The following STX11 variants were observed in gnomAD, a reference collection of about 807,000 sequenced individuals.
STX11 encodes the protein syntaxin-11.
A neutral mutation model predicts 19.9 loss-of-function variants in STX11; 21 were observed. That is an observed-to-expected ratio of 1.06 (90% CI 0.75 to 1.52). The LOEUF is 1.52. STX11 is among the 40% of genes most tolerant of loss of function. The pLI is 0.00. For synonymous variants in STX11, 193 were observed against 174.4 expected, an observed-to-expected ratio of 1.11 and a Z score of -0.84; for missense variants, 438 against 405.9, an observed-to-expected ratio of 1.08 and a Z score of -0.68.
In STX11 at chr6:144,156,000, TTC is replaced by T. The variant is rs1373942975; in HGVS notation, c.-6+5299_-6+5300del. The stretch of plus-strand genomic sequence containing the variant: ...TTTCTTTCTTTCTTTCTTTCTTTCT[TTC>T]TTTCTTTCTTTCTCTCTTTCTCTCC... On this transcript the variant is annotated intron_variant, in intron 1 of 1. Transcript: ENST00000367568. This position sits in a 1 kb window ranked among gnomAD's most constrained non-coding sequence, Gnocchi z 4.5. Among the ~76,000 whole-genome samples, 24 of 112,498 alleles carry T rather than the reference TTC, an allele frequency of 2.1e-4. 2 individuals carry two copies. Among genetic ancestry groups the T allele is most frequent in the African/African-American group, 8.9e-4 (20 of 22,434 alleles). 73.8% of individuals were successfully genotyped at this position (112,498 alleles called of 152,430 possible). A position where few individuals can be genotyped will look rare whatever the true frequency, so the allele number is the denominator to read the frequency against.
chr6:144,173,767 T>G (rs190964853), intron 1 of STX11, among the ~76,000 whole-genome samples: 1 of 152,346 alleles, frequency 6.6e-6, no homozygotes, highest in Admixed American at 6.5e-5. Context: ...TTCCCCTGAC[T>G]GCTCTCGCAG....
Position 144,183,925 on chromosome 6 carries a change from C to G in STX11, c.-5-2698C>G, listed in dbSNP as rs748110474. ...AGGCCCCACTGTGCATTATTCCCCT[C>G]CCTGTGTCCAGGTGTTCTCATTGTT... is the stretch of plus-strand genomic sequence containing the variant. On this transcript the variant is annotated intron_variant, in intron 1 of 1. Transcript: ENST00000367568. The surrounding 1 kb of genome is among the most constrained non-coding windows in gnomAD (Gnocchi z 4.6). Among the ~76,000 whole-genome samples, 1 of 152,120 alleles carries G rather than the reference C, an allele frequency of 6.6e-6. No homozygotes were observed. The highest frequency in any genetic ancestry group is 2.4e-5 in the African/African-American group (1 of 41,410).
chr6:144,168,630 A>G (rs1446257277), intron 1 of STX11, among the ~76,000 whole-genome samples: 1 of 152,212 alleles, frequency 6.6e-6, no homozygotes, highest in African/African-American at 2.4e-5. Flanking sequence ...CTTCAAAGTC[A>G]CCACGTTGTT....
chr6:144,167,947 A>G lies in STX11; in HGVS notation c.-6+17244A>G, dbSNP rs1225454323. On this transcript the variant is annotated intron_variant, in intron 1 of 1. Transcript: ENST00000367568. The surrounding 1 kb of genome is among the most constrained non-coding windows in gnomAD (Gnocchi z 5.0). ...CAGTCATGTTCTTAGACTTATTCACACATAAGTACTTATGGTAAAAAAAAT... is the reference window on the plus strand; with the variant it reads ...CAGTCATGTTCTTAGACTTATTCACGCATAAGTACTTATGGTAAAAAAAAT... Among the ~76,000 whole-genome samples, 2 of 152,162 alleles carry G rather than the reference A, an allele frequency of 1.3e-5. No individual in the cohort carries two copies. Among genetic ancestry groups the G allele is most frequent in the Non-Finnish European group, 2.9e-5 (2 of 68,024 alleles).
In STX11 at chr6:144,151,297, G is replaced by C; in HGVS notation, c.-6+594G>C. 1 of 985,410 alleles carries C rather than the reference G, an allele frequency of 1.0e-6. No homozygotes were observed. 61.0% of individuals were successfully genotyped at this position (985,410 alleles called of 1,614,324 possible). On this transcript the variant is annotated intron_variant, in intron 1 of 1. Coordinates refer to ENST00000367568, the MANE Select transcript of STX11 (RefSeq NM_003764.4). The surrounding 1 kb of genome is among the most constrained non-coding windows in gnomAD (Gnocchi z 4.6). ...CCACGCCGTCCTGAGAGGGAATTCT[G>C]CCTTTTTCTAGACTCCGCTGACACC... is the stretch of plus-strand genomic sequence containing the variant.
rs1408696924 is a variant in STX11 at position 144,151,810 on chromosome 6, A to C, written c.-6+1107A>C. ...TTTACTAAATTGGTGCTAAAACCACATGATGATTTTTGAAGCGGGTGGGTC... is the reference window on the plus strand; with the variant it reads ...TTTACTAAATTGGTGCTAAAACCACCTGATGATTTTTGAAGCGGGTGGGTC... On this transcript the variant is annotated intron_variant, in intron 1 of 1. Transcript: ENST00000367568. The surrounding 1 kb of genome is among the most constrained non-coding windows in gnomAD (Gnocchi z 4.6). 6.6e-6 allele frequency among the ~76,000 whole-genome samples: 1 copy of C among 152,252 alleles called. No individual in the cohort carries two copies.
rs1193595047 is a variant in STX11, at chr6:144,155,454, A to G, written c.-6+4751A>G. 9.9e-5 allele frequency among the ~76,000 whole-genome samples: 15 copies of G among 152,212 alleles called. 1 individual carries two copies. Among genetic ancestry groups the G allele is most frequent in the Non-Finnish European group, 7.3e-5 (5 of 68,030 alleles). ...TTTCTTCAGATTCATTGGGAAATCA[A>G]CATATTTATAGTTGCCCATGAAATG... On this transcript the variant is annotated intron_variant, in intron 1 of 1. Transcript: ENST00000367568. This position sits in a 1 kb window ranked among gnomAD's most constrained non-coding sequence, Gnocchi z 4.5.
In STX11 at chr6:144,190,954, T is replaced by TA. The variant is rs1373204465; in HGVS notation, c.*3464dup. On this transcript the variant is annotated 3_prime_UTR_variant, in exon 2 of 2. Transcript: ENST00000367568. ...GTTCTAGTGCCACCAAGAGATGCTG[T>TA]AGAGCTGGCTTTACCAATCTCATGA... Among the ~76,000 whole-genome samples the TA allele has an allele frequency of 6.6e-6, 1 of 152,162 alleles. No homozygotes were observed. Among genetic ancestry groups the TA allele is most frequent in the Non-Finnish European group, 1.5e-5 (1 of 68,032 alleles).
rs924508001 is a variant in STX11, at chr6:144,159,994, C to T, written c.-6+9291C>T. Among the ~76,000 whole-genome samples the T allele has an allele frequency of 7.9e-5, 12 of 151,968 alleles. No homozygotes were observed. The highest frequency in any genetic ancestry group is 1.3e-4 in the Non-Finnish European group (9 of 68,000). On this transcript the variant is annotated intron_variant, in intron 1 of 1. Transcript: ENST00000367568. The surrounding 1 kb of genome is among the most constrained non-coding windows in gnomAD (Gnocchi z 4.3). ...TGGGTCCTTTTTCTCCTTTTCTGGC[C>T]AGTTCTTGTTTTTTAAAAAAATATT... is the stretch of plus-strand genomic sequence containing the variant.
rs537674283 is a variant in STX11 at position 144,184,099 on chromosome 6, T to C, written c.-5-2524T>C. The stretch of plus-strand genomic sequence containing the variant: ...ATGGCTGTATAGTACAGTCTAACAT[T>C]GATGGGCATTTGGGTTGGTTCCGTG... On this transcript the variant is annotated intron_variant, in intron 1 of 1. Transcript: ENST00000367568. The surrounding 1 kb of genome is among the most constrained non-coding windows in gnomAD (Gnocchi z 6.5). Among the ~76,000 whole-genome samples the C allele has an allele frequency of 2.0e-5, 3 of 152,320 alleles. No homozygotes were observed. The highest frequency in any genetic ancestry group is 7.2e-5 in the African/African-American group (3 of 41,568).
chr6:144,180,986 C>CA lies in STX11; in HGVS notation c.-5-5636dup, dbSNP rs1449055886. On this transcript the variant is annotated intron_variant, in intron 1 of 1. Transcript: ENST00000367568. This position sits in a 1 kb window ranked among gnomAD's most constrained non-coding sequence, Gnocchi z 5.3. ...CAGTCTTCAATTTTATTCATACTCC[C>CA]ATGCCTGCAACAATTATAATTTTCC... Among the ~76,000 whole-genome samples, 2 of 152,208 alleles carry CA rather than the reference C, an allele frequency of 1.3e-5. No homozygotes were observed. The highest frequency in any genetic ancestry group is 4.8e-5 in the African/African-American group (2 of 41,458).
rs1802068225 is a variant in STX11 at position 144,187,094 on chromosome 6, A to T, written c.467A>T (p.Asn156Ile). Residue 156 changes from asparagine (N) to isoleucine (I), a missense_variant, in exon 2 of 2, where the codon AAC becomes ATC. Physicochemically the swap from Asn to Ile is moderately radical, Grantham distance 149. Coordinates refer to ENST00000367568, the MANE Select transcript of STX11 (RefSeq NM_003764.4). The surrounding 1 kb of genome is among the most constrained non-coding windows in gnomAD (Gnocchi z 5.6). The part of the protein sequence containing the change: ...YNQAEMKQRD[N>I]CKIRIQRQLE... Reference sequence around the variant, plus strand: ...CAGGCCGAGATGAAGCAGCGCGACAACTGCAAGATCCGCATCCAGCGCCAG... The same window carrying T: ...CAGGCCGAGATGAAGCAGCGCGACATCTGCAAGATCCGCATCCAGCGCCAG... 6.2e-7 allele frequency: 1 copy of T among 1,613,660 alleles called. No individual in the cohort carries two copies. The highest frequency in any genetic ancestry group is 1.3e-5 in the African/African-American group (1 of 74,942).
chr6:144,151,223 G>C lies in STX11; in HGVS notation c.-6+520G>C. 1.0e-6 allele frequency: 1 copy of C among 985,350 alleles called. No homozygotes were observed. Among genetic ancestry groups the C allele is most frequent in the Non-Finnish European group, 1.2e-6 (1 of 829,886 alleles). 61.0% of individuals were successfully genotyped at this position (985,350 alleles called of 1,614,324 possible). On this transcript the variant is annotated intron_variant, in intron 1 of 1. Coordinates refer to ENST00000367568, the MANE Select transcript of STX11 (RefSeq NM_003764.4). This position sits in a 1 kb window ranked among gnomAD's most constrained non-coding sequence, Gnocchi z 4.6. ...AGGAGTCCCTTCGAAGCCCACGTAAGACTTTGTTTTAGAAACATGGAGAGA... is the reference window on the plus strand; with the variant it reads ...AGGAGTCCCTTCGAAGCCCACGTAACACTTTGTTTTAGAAACATGGAGAGA...
chr6:144,168,194 G>T (rs1412008392), intron 1 of STX11, among the ~76,000 whole-genome samples: 2 of 152,252 alleles, frequency 1.3e-5, no homozygotes, highest in Non-Finnish European at 2.9e-5. Flanking sequence ...TGGGTCCTCT[G>T]AGGATGAGGA....
At chr6:144,158,743 A>G (rs1212041878) in intron 1 of STX11, among the ~76,000 whole-genome samples, 2 of 152,242 alleles carry the variant, frequency 1.3e-5, no homozygotes, top group African/African-American at 2.4e-5. Context: ...AATGTTAAGC[A>G]TTCATAAATG....
At chr6:144,156,064 TCCCC>T (rs1801152641) in intron 1 of STX11, among the ~76,000 whole-genome samples, 2 of 45,598 alleles carry the variant, frequency 4.4e-5, no homozygotes, top group Non-Finnish European at 8.6e-5. Context: ...TCCCCTCCCC[TCCCC>T]TCCCCTCCCC....
upstream of STX11, among the ~76,000 whole-genome samples, chr6:144,148,787 T>A (rs1031640826): frequency 6.6e-6 from 1 of 152,238 alleles, no homozygotes; most frequent in Non-Finnish European, 1.5e-5. Flanking sequence ...AGAGACAGCA[T>A]CTGGCTATGT....
rs1209617156 is a variant in STX11 at position 144,170,160 on chromosome 6, G to A, written c.-5-16463G>A. 6.6e-6 allele frequency among the ~76,000 whole-genome samples: 1 copy of A among 151,806 alleles called. No homozygotes were observed. The highest frequency in any genetic ancestry group is 2.4e-5 in the African/African-American group (1 of 41,296). ...AACATAAACGCTTCCCCTTTTTCTTGTCACTGTTACTCATAGAAGTATCTG... is the reference window on the plus strand; with the variant it reads ...AACATAAACGCTTCCCCTTTTTCTTATCACTGTTACTCATAGAAGTATCTG... On this transcript the variant is annotated intron_variant, in intron 1 of 1. Coordinates refer to ENST00000367568, the MANE Select transcript of STX11 (RefSeq NM_003764.4). This position sits in a 1 kb window ranked among gnomAD's most constrained non-coding sequence, Gnocchi z 4.7.
chr6:144,181,170 C>G (rs1191069708), intron 1 of STX11, among the ~76,000 whole-genome samples: 1 of 152,152 alleles, frequency 6.6e-6, no homozygotes, highest in African/African-American at 2.4e-5. Flanking sequence ...TGAAAGCCAC[C>G]ATCTTTCCAG....
Sources: allele counts gnomAD v4.1 joint callset (sites outside exome capture counted in the v4.1 genomes callset), GRCh38; gene constraint gnomAD v4.1.1; non-coding constraint Gnocchi (gnomAD v3.1); transcripts MANE v1.5; gene names NCBI Gene and HGNC (gene_info 2026-07-23, HGNC 2026-07-21).